Variants in EYA4 observed in about 807,000 individuals in gnomAD.
The protein encoded by EYA4 is EYA transcriptional coactivator and phosphatase 4.
In EYA4, 31 loss-of-function variants were observed where a neutral mutation model predicts 87.9. The ratio of observed to expected loss-of-function variants is 0.35; its 90% CI spans 0.27 to 0.48. The LOEUF (loss-of-function observed/expected upper bound fraction) is 0.48, where lower values mean the gene tolerates loss of function less well. EYA4 is among the 20% of genes least tolerant of loss of function. The probability of loss-of-function intolerance (pLI) is 0.99; values close to 1 mark genes in which losing one functional copy is unlikely to be tolerated. For missense variants in EYA4, 678 were observed against 761.4 expected (o/e 0.89, Z 1.29); for synonymous variants, 263 against 270.6 (o/e 0.97, Z 0.28).
rs1241674923 is a variant in EYA4 at position 133,356,789 on chromosome 6, GTGTATATA to G, written c.34-25601_34-25594del. On this transcript the variant is annotated intron_variant, in intron 2 of 19. Transcript: ENST00000355286. ...TGTGTGTGTGTGTGTGTGTGTGTGT[GTGTATATA>G]TATATTTTATTTTTATTTTTTTTGA... Among the ~76,000 whole-genome samples the G allele has an allele frequency of 2.3e-3, 193 of 85,530 alleles. 1 individual carries two copies. The highest frequency in any genetic ancestry group is 0.011 in the East Asian group (25 of 2,364). 56.1% of individuals were successfully genotyped at this position (85,530 alleles called of 152,430 possible). A position where few individuals can be genotyped will look rare whatever the true frequency, so the allele number is the denominator to read the frequency against.
chr6:133,419,728 A>C (rs1790056534), intron 3 of EYA4, among the ~76,000 whole-genome samples: 1 of 152,206 alleles, frequency 6.6e-6, no homozygotes, highest in African/African-American at 2.4e-5. Flanking sequence ...TGTGCAATTA[A>C]AAAACAGTGC....
chr6:133,246,779 GT>G (rs1354125247), intron 1 of EYA4: 1 of 152,128 alleles, frequency 6.6e-6, no homozygotes, highest in African/African-American at 2.4e-5. Flanking sequence ...GCAAAACACT[GT>G]TTTAAGCATT....
At chr6:133,242,826 A>T (rs1228300988) in intron 1 of EYA4, among the ~76,000 whole-genome samples, 1 of 151,870 alleles carries the variant, frequency 6.6e-6, no homozygotes, top group Non-Finnish European at 1.5e-5. Flanking sequence ...CTTCACCACC[A>T]CCCCTCTTTC....
intron 2 of EYA4, among the ~76,000 whole-genome samples, chr6:133,303,042 T>C (rs1248176466): frequency 1.3e-5 from 2 of 152,248 alleles, no homozygotes; most frequent in African/African-American, 4.8e-5. Context: ...TGTGTTCTAA[T>C]AAAACTTTAT....
chr6:133,424,860 G>T (rs1790530124), intron 3 of EYA4, among the ~76,000 whole-genome samples: 1 of 150,840 alleles, frequency 6.6e-6, no homozygotes, highest in Non-Finnish European at 1.5e-5. Flanking sequence ...CAGAAGGGAT[G>T]GGGCTCCCAC....
At chr6:133,391,817 C>CTT (rs1414436348) in intron 3 of EYA4, among the ~76,000 whole-genome samples, 1 of 152,130 alleles carries the variant, frequency 6.6e-6, no homozygotes, top group African/African-American at 2.4e-5. Flanking sequence ...CTTTCTACTC[C>CTT]TTCCCTTCCC....
At position 133,468,610 on chromosome 6, in the gene EYA4, G is replaced by A. The variant is rs759365993; in HGVS notation, c.849G>A (p.Gln283=). 4 of 1,612,776 alleles carry A rather than the reference G, an allele frequency of 2.5e-6. No individual in the cohort carries two copies. Among genetic ancestry groups the A allele is most frequent in the South Asian group, 1.1e-5 (1 of 91,068 alleles). ...CCTTTGGCCAAAACCAGTATGCACA[G>A]TATTATTCAGCATCAACGTATGGAG... ...YTAFGQNQYA[Q]YYSASTYGAY... The change falls in exon 11 of 20, where the codon CAG becomes CAA. Residue 283 remains glutamine (Q), a synonymous_variant. Coordinates refer to ENST00000355286, the MANE Select transcript of EYA4 (RefSeq NM_004100.5).
intron 3 of EYA4, among the ~76,000 whole-genome samples, chr6:133,417,667 G>A (rs1421017385): frequency 2.1e-5 from 3 of 139,816 alleles, no homozygotes; most frequent in African/African-American, 6.4e-5. Context: ...TTCATAACAT[G>A]CATATCACTA....
chr6:133,474,950 G>T (rs1433133247), intron 11 of EYA4, among the ~76,000 whole-genome samples: 1 of 152,016 alleles, frequency 6.6e-6, no homozygotes, highest in African/African-American at 2.4e-5. Context: ...TGGTTTTTCT[G>T]ATTTAGAGAT....
intron 2 of EYA4, among the ~76,000 whole-genome samples, chr6:133,299,925 CTCTATCTA>C (rs10588311): frequency 0.18 from 25,987 of 142,522 alleles, 2,709 homozygotes; most frequent in East Asian, 0.41. Context: ...ATATAAAGAT[CTCTATCTA>C]TCTATCTATC....
intron 13 of EYA4, among the ~76,000 whole-genome samples, chr6:133,492,218 T>C (rs1319146097): frequency 3.3e-5 from 5 of 152,080 alleles, no homozygotes; most frequent in Non-Finnish European, 2.9e-5. Flanking sequence ...AACAAAATAC[T>C]AGCAAACTGA....
chr6:133,389,783 G>A (rs144326019), intron 3 of EYA4, among the ~76,000 whole-genome samples: 62 of 152,250 alleles, frequency 4.1e-4, no homozygotes, highest in African/African-American at 1.4e-3. Context: ...TGGTCATCAA[G>A]TTGACATTCA....
At chr6:133,362,241 G>A (rs1784502086) in intron 2 of EYA4, among the ~76,000 whole-genome samples, 2 of 152,114 alleles carry the variant, frequency 1.3e-5, no homozygotes. Flanking sequence ...TTCTTAGAGT[G>A]GGGCCAGGCT....
At chr6:133,330,035 GGCAGGAGA>G (rs1246853309) in intron 2 of EYA4, among the ~76,000 whole-genome samples, 1 of 151,992 alleles carries the variant, frequency 6.6e-6, no homozygotes, top group Non-Finnish European at 1.5e-5. Context: ...TGTACAGTGA[GGCAGGAGA>G]GCAGGAGAGA....
intron 14 of EYA4, among the ~76,000 whole-genome samples, chr6:133,512,493 A>G (rs936057572): frequency 6.6e-6 from 1 of 152,178 alleles, no homozygotes; most frequent in Admixed American, 6.5e-5. Context: ...CTCATGCCGT[A>G]TATTTTCTCA....
At chr6:133,451,662 G>C (rs886287946) in intron 5 of EYA4, among the ~76,000 whole-genome samples, 3 of 152,136 alleles carry the variant, frequency 2.0e-5, no homozygotes, top group Admixed American at 2.0e-4. Context: ...CAAAAGTCTA[G>C]CAGAGGGAGG....
At chr6:133,528,607 G>C in intron 19 of EYA4, 118 bp from the exon 20 acceptor site, 2 of 819,712 alleles carry the variant, frequency 2.4e-6, no homozygotes, top group Non-Finnish European at 2.2e-6. Context: ...CCCTGAACTT[G>C]GGTGGACCAC....
chr6:133,330,372 A>G (rs1464112457), intron 2 of EYA4, among the ~76,000 whole-genome samples: 1 of 152,086 alleles, frequency 6.6e-6, no homozygotes, highest in Admixed American at 6.6e-5. Context: ...CTGTAATTAT[A>G]AATTACCCCC....
At chr6:133,526,026 C>CAT (rs1315806918) in intron 19 of EYA4, 1 of 441,898 alleles carries the variant, frequency 2.3e-6, no homozygotes, top group Non-Finnish European at 3.0e-6. Context: ...TTTTAATAAG[C>CAT]CTTTTCATCT....
Sources: gnomAD v4.1 joint callset for allele counts (sites outside exome capture counted in the v4.1 genomes callset) on GRCh38, gnomAD v4.1.1 for gene constraint, MANE v1.5 for transcripts, NCBI Gene and HGNC (gene_info 2026-07-23, HGNC 2026-07-21) for gene names.